Variants in BCR observed in about 807,000 individuals in gnomAD.
BCR encodes breakpoint cluster region protein.
Under a neutral mutation model 138.6 loss-of-function variants are expected in BCR, and 58 were observed. The observed-to-expected ratio is 0.42, with a 90% CI of 0.34 to 0.52. The LOEUF (loss-of-function observed/expected upper bound fraction) is 0.52, where lower values mean the gene tolerates loss of function less well. Among genes scored for constraint, BCR ranks in the 20% least tolerant of loss-of-function variants. BCR has a pLI of 0.06. For missense variants in BCR, 1,599 were observed against 1,727.2 expected (o/e 0.93, Z 1.32); for synonymous variants, 786 against 730.1 (o/e 1.08, Z -1.23).
intron 1 of BCR, among the ~76,000 whole-genome samples, chr22:23,195,420 C>CAA (rs529306820): frequency 0.27 from 25,164 of 91,910 alleles, 3,039 homozygotes; most frequent in East Asian, 0.36. Context: ...AACTCCGTCT[C>CAA]AAAAAAAAAA....
At position 23,181,709 on chromosome 22, in the gene BCR, A is replaced by G. The variant is rs1386299577; in HGVS notation, c.749A>G (p.Glu250Gly). 2.5e-6 allele frequency: 4 copies of G among 1,604,168 alleles called. No homozygotes were observed. The highest frequency in any genetic ancestry group is 2.5e-6 in the Non-Finnish European group (3 of 1,179,928). The change falls in exon 1 of 23, where the codon GAG (glutamate) becomes GGG (glycine). Residue 250 changes from glutamate (E) to glycine (G), a missense_variant. Coordinates refer to ENST00000305877, the MANE Select transcript of BCR (RefSeq NM_004327.4). ...GTCGACGGCGACTACGAGGACGCCG[A>G]GTTGAACCCCCGCTTCCTGAAGGAC... ...CGVDGDYEDA[E>G]LNPRFLKDNL... is the part of the protein sequence containing the mutation.
chr22:23,256,593 C>G (rs571259351), intron 2 of BCR, among the ~76,000 whole-genome samples: 147 of 152,292 alleles, frequency 9.7e-4, no homozygotes, highest in African/African-American at 3.5e-3. Context: ...GGTCCTTTCT[C>G]CAGCAGCTGT....
At chr22:23,193,624 G>A (rs924446498) in intron 1 of BCR, among the ~76,000 whole-genome samples, 9 of 152,254 alleles carry the variant, frequency 5.9e-5, no homozygotes, top group African/African-American at 1.9e-4. Context: ...TGGGCTGAGT[G>A]GAGTTCTTAC....
intron 1 of BCR, among the ~76,000 whole-genome samples, chr22:23,216,779 A>C (rs564639164): frequency 6.6e-6 from 1 of 152,192 alleles, no homozygotes; most frequent in African/African-American, 2.4e-5. Context: ...CTTGGTAGGG[A>C]CACCGGAAGG....
At chr22:23,187,910 C>G (rs544883190) in intron 1 of BCR, among the ~76,000 whole-genome samples, 4 of 152,244 alleles carry the variant, frequency 2.6e-5, no homozygotes, top group African/African-American at 9.6e-5. Flanking sequence ...GAGTGGCTGC[C>G]CTGTGTTTTC....
At chr22:23,234,208 C>T (rs1321076658) in intron 1 of BCR, among the ~76,000 whole-genome samples, 3 of 152,166 alleles carry the variant, frequency 2.0e-5, no homozygotes, top group Non-Finnish European at 2.9e-5. Context: ...TGTTTTTCTG[C>T]GACCCTGTGT....
At chr22:23,218,022 C>T (rs1057200488) in intron 1 of BCR, among the ~76,000 whole-genome samples, 3 of 152,222 alleles carry the variant, frequency 2.0e-5, no homozygotes, top group Non-Finnish European at 4.4e-5. Context: ...GGCCTGGCTC[C>T]TGGGAAACTT....
Position 23,264,328 on chromosome 22 carries a change from A to G in BCR, c.1752+2788A>G, listed in dbSNP as rs1054586696. 23 of 988,214 alleles carry G rather than the reference A, an allele frequency of 2.3e-5. No homozygotes were observed. The East Asian group carries it at 2.4e-4, about 10-fold the overall frequency. The allele number at this position is 988,214 out of a possible 1,614,324, so 61.2% of individuals were successfully genotyped here. A position where few individuals can be genotyped will look rare whatever the true frequency, so the allele number is the denominator to read the frequency against. On this transcript the variant is annotated intron_variant, in intron 4 of 22. Coordinates refer to ENST00000305877, the MANE Select transcript of BCR (RefSeq NM_004327.4). The stretch of plus-strand genomic sequence containing the variant: ...CATCTCTATGCTGCGCTGTCTTACA[A>G]CCTCCACGTCCTGGATATTCAAAAC...
intron 1 of BCR, among the ~76,000 whole-genome samples, chr22:23,229,758 C>A (rs921047446): frequency 1.3e-5 from 2 of 152,224 alleles, no homozygotes; most frequent in Non-Finnish European, 2.9e-5. Context: ...CTCTACTTCC[C>A]CATGTCCCCC....
At chr22:23,271,426 G>A in intron 5 of BCR, 106 bp from the exon 6 acceptor site, 1 of 1,151,078 alleles carries the variant, frequency 8.7e-7, no homozygotes, top group Non-Finnish European at 1.3e-6. Context: ...TGCACCTGGG[G>A]TTTGTTGTAG....
intron 1 of BCR, among the ~76,000 whole-genome samples, chr22:23,195,865 G>A (rs2072474161): frequency 6.6e-6 from 1 of 152,192 alleles, no homozygotes; most frequent in East Asian, 1.9e-4. Flanking sequence ...TCTGGCCTGG[G>A]CAACAAGAGT....
chr22:23,290,515 G>T, intron 14 of BCR, 102 bp downstream of exon 14: 1 of 1,191,232 alleles, frequency 8.4e-7, no homozygotes, highest in Non-Finnish European at 1.3e-6. Flanking sequence ...AGGTTGTTCA[G>T]ATGACCACGG....
intron 1 of BCR, among the ~76,000 whole-genome samples, chr22:23,191,262 C>T (rs1024830013): frequency 1.3e-5 from 2 of 152,176 alleles, no homozygotes; most frequent in Admixed American, 6.5e-5. Flanking sequence ...ACAACTTTTT[C>T]CATCTCTTTT....
chr22:23,202,751 A>ATGTGTGTGTGTGTG (rs1455427542), intron 1 of BCR, among the ~76,000 whole-genome samples: 1 of 146,254 alleles, frequency 6.8e-6, no homozygotes, highest in East Asian at 2.0e-4. Context: ...GTGTGTGTAT[A>ATGTGTGTGTGTGTG]TATATATATA....
intron 1 of BCR, among the ~76,000 whole-genome samples, chr22:23,229,741 C>T (rs988051125): frequency 9.2e-5 from 14 of 152,222 alleles, no homozygotes; most frequent in African/African-American, 2.9e-4. Context: ...ATGATCTTCC[C>T]TATACTCTCT....
intron 4 of BCR, chr22:23,264,835 TG>T (rs1434255450): frequency 6.5e-6 from 1 of 152,780 alleles, no homozygotes; most frequent in African/African-American, 2.4e-5. Flanking sequence ...GGTTCATTCC[TG>T]GGGCACTGTG....
intron 1 of BCR, among the ~76,000 whole-genome samples, chr22:23,247,366 G>A (rs1602060249): frequency 6.6e-6 from 1 of 152,194 alleles, no homozygotes; most frequent in East Asian, 1.9e-4. Context: ...AGACCACTCT[G>A]CTGATGATCT....
intron 1 of BCR, among the ~76,000 whole-genome samples, chr22:23,224,101 C>T (rs932508625): frequency 3.3e-5 from 5 of 152,220 alleles, no homozygotes; most frequent in African/African-American, 1.2e-4. Context: ...GACTCCACAA[C>T]AGGAAGACAG....
intron 1 of BCR, among the ~76,000 whole-genome samples, chr22:23,238,881 G>C (rs1052932453): frequency 2.7e-5 from 4 of 148,394 alleles, no homozygotes; most frequent in African/African-American, 9.9e-5. Flanking sequence ...GGGGGTGGGG[G>C]GCAGGTGGCG....
Sources: gnomAD v4.1 joint callset for allele counts (sites outside exome capture counted in the v4.1 genomes callset) on GRCh38, gnomAD v4.1.1 for gene constraint, MANE v1.5 for transcripts, NCBI Gene and HGNC (gene_info 2026-07-23, HGNC 2026-07-21) for gene names.